The following NOX4 variants were observed in gnomAD, a reference collection of about 807,000 sequenced individuals.
NOX4 encodes kidney oxidase-1.
In NOX4, 69 loss-of-function variants were observed where a neutral mutation model predicts 87.6. The observed-to-expected ratio is 0.79, with a 90% CI of 0.65 to 0.96. NOX4 has a LOEUF of 0.96. NOX4 is among the 40% of genes least tolerant of loss of function. The probability of loss-of-function intolerance (pLI) is 0.00; values close to 1 mark genes in which losing one functional copy is unlikely to be tolerated. For synonymous variants in NOX4, 275 were observed against 238.2 expected (o/e 1.15, Z -1.42); for missense variants, 680 against 681.5 (o/e 1.00, Z 0.02).
chr11:89,502,691 G>A (rs949161599), upstream of NOX4, among the ~76,000 whole-genome samples: 3 of 152,010 alleles, frequency 2.0e-5, no homozygotes, highest in African/African-American at 7.2e-5. Context: ...AATATGAATT[G>A]ATGACAGAAG....
chr11:89,536,388 C>T, the NOX4 span, among the ~76,000 whole-genome samples: 4 of 151,952 alleles, frequency 2.6e-5, no homozygotes, highest in African/African-American at 9.7e-5. Flanking sequence ...CTTCGTGATC[C>T]GCCCGCCTCA....
the NOX4 span, among the ~76,000 whole-genome samples, chr11:89,587,832 T>C: frequency 1.2e-4 from 19 of 152,196 alleles, no homozygotes; most frequent in Admixed American, 1.2e-3. Flanking sequence ...GGATTGGGAT[T>C]GGGCTATTCT....
chr11:89,504,437 C>G, the NOX4 span, among the ~76,000 whole-genome samples: 1 of 151,826 alleles, frequency 6.6e-6, no homozygotes, highest in Middle Eastern at 3.2e-3. Context: ...ATCACTCTGT[C>G]ATGGATGAAT....
At position 89,444,203 on chromosome 11, in the gene NOX4, C is replaced by T. The variant is rs925412176; in HGVS notation, c.379G>A (p.Ala127Thr). 6.8e-6 allele frequency: 11 copies of T among 1,613,490 alleles called. No individual in the cohort carries two copies. The highest frequency in any genetic ancestry group is 9.3e-6 in the Non-Finnish European group (11 of 1,179,678). Residue 127 changes from alanine (A) to threonine (T), a missense_variant, in exon 5 of 18, where the codon GCC (alanine) becomes ACC (threonine). Physicochemically the swap from Ala to Thr is moderately conservative, Grantham distance 58 (BLOSUM62 0). Coordinates refer to ENST00000263317, the MANE Select transcript of NOX4 (RefSeq NM_016931.5). ...GVHVAAHLVN[A>T]LNFSVNYSED... is the part of the protein sequence containing the mutation. ...CTGTAATTCACTGAGAAGTTGAGGG[C>T]ATTCACCAGATGGGCAGCCACATGC...
chr11:89,485,185 A>G (rs1215503373), intron 2 of NOX4, among the ~76,000 whole-genome samples: 1 of 152,164 alleles, frequency 6.6e-6, no homozygotes, highest in Non-Finnish European at 1.5e-5. Context: ...AAGAAAGATA[A>G]TCCCAGTGTT....
chr11:89,435,370 A>T (rs1944029600), intron 6 of NOX4, among the ~76,000 whole-genome samples: 1 of 152,028 alleles, frequency 6.6e-6, no homozygotes, highest in Non-Finnish European at 1.5e-5. Flanking sequence ...TAGTCATGGG[A>T]TGTCTGCAAA....
chr11:89,485,176 A>G (rs939876369), intron 2 of NOX4, among the ~76,000 whole-genome samples: 14 of 152,282 alleles, frequency 9.2e-5, no homozygotes, highest in African/African-American at 3.1e-4. Flanking sequence ...GATTGACTAA[A>G]GAAAGATAAT....
the NOX4 span, among the ~76,000 whole-genome samples, chr11:89,535,095 AT>A: frequency 6.6e-6 from 1 of 152,096 alleles, no homozygotes; most frequent in African/African-American, 2.4e-5. Flanking sequence ...TTCTTGTTAC[AT>A]TTTTTTCTTA....
At chr11:89,378,699 T>C (rs1367377488) in intron 11 of NOX4, among the ~76,000 whole-genome samples, 2 of 152,068 alleles carry the variant, frequency 1.3e-5, no homozygotes, top group African/African-American at 2.4e-5. Flanking sequence ...CCTATAAAAA[T>C]ATAGGAGAAT....
chr11:89,451,902 A>C lies in NOX4; in HGVS notation c.154-7T>G. 6.3e-7 allele frequency: 1 copy of C among 1,592,782 alleles called. No individual in the cohort carries two copies. The highest frequency in any genetic ancestry group is 8.6e-7 in the Non-Finnish European group (1 of 1,160,910). ...TGCTTAGACACAATCCTAGCTGAACAAATAAGGCAAGGTCAGCACACAGTT... is the reference window on the plus strand; with the variant it reads ...TGCTTAGACACAATCCTAGCTGAACCAATAAGGCAAGGTCAGCACACAGTT... On this transcript the variant is annotated splice_region_variant and splice_polypyrimidine_tract_variant and intron_variant, in intron 2 of 17. Coordinates refer to ENST00000263317, the MANE Select transcript of NOX4 (RefSeq NM_016931.5).
At chr11:89,475,634 A>T (rs1202393770) in intron 2 of NOX4, among the ~76,000 whole-genome samples, 1 of 152,070 alleles carries the variant, frequency 6.6e-6, no homozygotes, top group Non-Finnish European at 1.5e-5. Context: ...GCTTCAACAG[A>T]ATAGGTTAGG....
At chr11:89,445,917 C>T (rs1158700929) in intron 4 of NOX4, among the ~76,000 whole-genome samples, 1 of 151,954 alleles carries the variant, frequency 6.6e-6, no homozygotes, top group Admixed American at 6.6e-5. Flanking sequence ...TTTTGAACAC[C>T]ATGAGAAGAT....
intron 2 of NOX4, among the ~76,000 whole-genome samples, chr11:89,481,705 G>A (rs1006047894): frequency 3.3e-5 from 5 of 152,084 alleles, no homozygotes; most frequent in Admixed American, 3.3e-4. Context: ...CTGACCAGGA[G>A]TTAGAGGACC....
chr11:89,560,686 C>T, the NOX4 span, among the ~76,000 whole-genome samples: 1 of 151,724 alleles, frequency 6.6e-6, no homozygotes, highest in African/African-American at 2.4e-5. Flanking sequence ...AATTTGCTCT[C>T]CTTCTTTCTC....
In NOX4 at chr11:89,444,127, C is replaced by T; in HGVS notation, c.447+8G>A. On this transcript the variant is annotated splice_region_variant and intron_variant, in intron 5 of 17. Transcript: ENST00000263317. ...TGAAAGAAAAATGGGAAGACAGAGA[C>T]CACCCACCTCATCTCGGTATCTTGC... 3 of 1,611,688 alleles carry T rather than the reference C, an allele frequency of 1.9e-6. No individual in the cohort carries two copies.
At chr11:89,428,269 C>CA (rs1459132900) in intron 7 of NOX4, among the ~76,000 whole-genome samples, 4 of 150,578 alleles carry the variant, frequency 2.7e-5, no homozygotes, top group African/African-American at 9.9e-5. Flanking sequence ...AGAAACACAC[C>CA]AAATTGTAAA....
At chr11:89,422,093 C>T (rs1274919382) in intron 7 of NOX4, 111 bp from the exon 8 acceptor site, 8 of 569,198 alleles carry the variant, frequency 1.4e-5, no homozygotes, top group South Asian at 1.4e-4. Context: ...AAAGCTAAAA[C>T]ATGAGTACAT....
intron 1 of NOX4, 172 bp from the exon 2 acceptor site, chr11:89,490,725 C>T (rs1946816698): frequency 2.8e-6 from 2 of 704,642 alleles, no homozygotes; most frequent in African/African-American, 3.5e-5. Context: ...CAGAGGAAAA[C>T]AAATCTGACT....
At chr11:89,392,480 A>G (rs1678372212) in intron 11 of NOX4, among the ~76,000 whole-genome samples, 2 of 152,186 alleles carry the variant, frequency 1.3e-5, no homozygotes, top group Non-Finnish European at 2.9e-5. Flanking sequence ...CAAAGTGGTC[A>G]CTAAACCAGT....
Sources: allele counts gnomAD v4.1 joint callset (sites outside exome capture counted in the v4.1 genomes callset), GRCh38; gene constraint gnomAD v4.1.1; transcripts MANE v1.5; gene names NCBI Gene and HGNC (gene_info 2026-07-23, HGNC 2026-07-21).